The following HS6ST1 variants were observed in gnomAD, a reference collection of about 807,000 sequenced individuals.
HS6ST1 encodes the protein heparan sulfate 6-O-sulfotransferase 1.
A neutral mutation model predicts 25.2 loss-of-function variants in HS6ST1; 3 were observed. The ratio of observed to expected loss-of-function variants is 0.12; its 90% CI spans 0.05 to 0.31. HS6ST1 has a LOEUF of 0.31. Among genes scored for constraint, HS6ST1 ranks in the 10% least tolerant of loss-of-function variants. HS6ST1 has a pLI of 1.00. For missense variants in HS6ST1, 310 were observed against 609.6 expected (o/e 0.51, Z 5.18); for synonymous variants, 204 against 275.1 (o/e 0.74, Z 2.56).
At chr2:128,284,432 C>T (rs1693830952) in intron 1 of HS6ST1, among the ~76,000 whole-genome samples, 1 of 151,984 alleles carries the variant, frequency 6.6e-6, no homozygotes, top group Non-Finnish European at 1.5e-5. Context: ...TGTGCCCCAG[C>T]TACTCATCCC....
chr2:128,299,130 T>G (rs1694083638), intron 1 of HS6ST1, among the ~76,000 whole-genome samples: 1 of 152,230 alleles, frequency 6.6e-6, no homozygotes, highest in Non-Finnish European at 1.5e-5. Flanking sequence ...GGACCCAGTT[T>G]CTGTTCTTTG....
intron 1 of HS6ST1, among the ~76,000 whole-genome samples, chr2:128,303,429 T>A (rs975258651): frequency 1.3e-5 from 2 of 152,262 alleles, no homozygotes; most frequent in Non-Finnish European, 2.9e-5. Flanking sequence ...AGAATCAGCA[T>A]GCATTACTGT....
rs772677352 is a variant in HS6ST1, at chr2:128,318,408, G to A, written c.156C>T (p.Asp52=). Residue 52 remains aspartate, a synonymous_variant, in exon 1 of 2, where the codon GAC becomes GAT. Transcript: ENST00000259241. This position sits in a 1 kb window ranked among gnomAD's most constrained non-coding sequence, Gnocchi z 5.7. ...CGGGTGTGGGGAACAGGTCCAGGTCGTCGGGCGGCGCGCGGCCGCCGGGCG... is the reference window on the plus strand; with the variant it reads ...CGGGTGTGGGGAACAGGTCCAGGTCATCGGGCGGCGCGCGGCCGCCGGGCG... ...LGAPGGRAPP[D]DLDLFPTPDP... 1.5e-5 allele frequency: 24 copies of A among 1,603,402 alleles called. No individual in the cohort carries two copies. In the Admixed American group the frequency reaches 3.6e-4, roughly 24 times the overall value.
At chr2:128,271,188 G>C (rs1693603845) in intron 1 of HS6ST1, among the ~76,000 whole-genome samples, 1 of 152,226 alleles carries the variant, frequency 6.6e-6, no homozygotes, top group South Asian at 2.1e-4. Context: ...TTAGCAGCGG[G>C]GACAGATCCC....
chr2:128,273,442 T>C (rs543776029), intron 1 of HS6ST1, among the ~76,000 whole-genome samples: 4 of 152,228 alleles, frequency 2.6e-5, no homozygotes, highest in African/African-American at 9.6e-5. Flanking sequence ...CCAGGCAGGG[T>C]GACCTGCCCT....
chr2:128,284,857 A>G (rs2104920184), intron 1 of HS6ST1, among the ~76,000 whole-genome samples: 1 of 152,212 alleles, frequency 6.6e-6, no homozygotes, highest in South Asian at 2.1e-4. Context: ...CAGAGCCAGA[A>G]ACGGAGAGGG....
At chr2:128,303,534 C>T (rs1422460579) in intron 1 of HS6ST1, among the ~76,000 whole-genome samples, 1 of 152,244 alleles carries the variant, frequency 6.6e-6, no homozygotes, top group African/African-American at 2.4e-5. Context: ...GTCCCACCTG[C>T]ACACGCACCT....
At chr2:128,268,990 A>C in intron 1 of HS6ST1, 120 bp from the exon 2 acceptor site, 1 of 761,980 alleles carries the variant, frequency 1.3e-6, no homozygotes, top group Non-Finnish European at 2.3e-6. Context: ...ATGCCAACCA[A>C]CTCCTGCACT....
At chr2:128,277,557 C>G (rs1693715301) in intron 1 of HS6ST1, among the ~76,000 whole-genome samples, 1 of 152,216 alleles carries the variant, frequency 6.6e-6, no homozygotes. Flanking sequence ...TGCAGCCGGC[C>G]TACGTCCCTC....
At chr2:128,316,719 G>A (rs1694369641) in intron 1 of HS6ST1, among the ~76,000 whole-genome samples, 1 of 151,950 alleles carries the variant, frequency 6.6e-6, no homozygotes, top group African/African-American at 2.4e-5. Flanking sequence ...GTGTGTGTGT[G>A]TACAGTTGGG....
rs1391322952 is a variant in HS6ST1 at position 128,267,639 on chromosome 2, G to A, written c.*523C>T. On this transcript the variant is annotated 3_prime_UTR_variant, in exon 2 of 2. Coordinates refer to ENST00000259241, the MANE Select transcript of HS6ST1 (RefSeq NM_004807.3). ...AGGGAGCTACAGATGGGTGAGCTGG[G>A]GGCTCCCCAGGCCTCGGGGCATTGG... 1.8e-5 allele frequency: 3 copies of A among 166,306 alleles called. No homozygotes were observed. The highest frequency in any genetic ancestry group is 1.7e-4 in the East Asian group (1 of 5,950). 10.3% of individuals were successfully genotyped at this position (166,306 alleles called of 1,614,324 possible). A position where few individuals can be genotyped will look rare whatever the true frequency, so the allele number is the denominator to read the frequency against.
chr2:128,280,411 C>T (rs1219076849), intron 1 of HS6ST1, among the ~76,000 whole-genome samples: 2 of 152,314 alleles, frequency 1.3e-5, no homozygotes, highest in East Asian at 3.9e-4. Context: ...GGAGACAGCC[C>T]AGAGGAGACG....
intron 1 of HS6ST1, among the ~76,000 whole-genome samples, chr2:128,315,644 G>A (rs560029642): frequency 1.3e-5 from 2 of 152,326 alleles, no homozygotes; most frequent in East Asian, 3.9e-4. Context: ...CTGATAGAGA[G>A]TTGCTGGGTC....
At chr2:128,303,614 T>A (rs1694167172) in intron 1 of HS6ST1, among the ~76,000 whole-genome samples, 1 of 152,236 alleles carries the variant, frequency 6.6e-6, no homozygotes, top group African/African-American at 2.4e-5. Flanking sequence ...AAGTGGGCAC[T>A]TGCCACCTGT....
At chr2:128,278,385 T>C (rs1336839265) in intron 1 of HS6ST1, among the ~76,000 whole-genome samples, 5 of 152,070 alleles carry the variant, frequency 3.3e-5, no homozygotes, top group Admixed American at 2.6e-4. Flanking sequence ...TCAGGGCATG[T>C]GGGAAGTCTG....
chr2:128,281,260 G>C (rs1380587636), intron 1 of HS6ST1, among the ~76,000 whole-genome samples: 5 of 152,228 alleles, frequency 3.3e-5, no homozygotes, highest in African/African-American at 1.2e-4. Context: ...GTGTGGCATG[G>C]GGGGTGGGGG....
intron 1 of HS6ST1, among the ~76,000 whole-genome samples, chr2:128,298,885 A>G (rs991053596): frequency 6.6e-5 from 10 of 152,350 alleles, no homozygotes; most frequent in African/African-American, 2.4e-4. Context: ...GCCAAGTCCC[A>G]ACAGCTTCTC....
intron 1 of HS6ST1, among the ~76,000 whole-genome samples, chr2:128,307,620 C>T (rs909351105): frequency 2.1e-4 from 32 of 152,196 alleles, no homozygotes; most frequent in Non-Finnish European, 4.0e-4. Context: ...AGGCCAAAGA[C>T]GTGAACAGGT....
chr2:128,316,947 A>C (rs527826015), intron 1 of HS6ST1, among the ~76,000 whole-genome samples: 10 of 152,282 alleles, frequency 6.6e-5, no homozygotes, highest in African/African-American at 1.9e-4. Flanking sequence ...CAACACGCCT[A>C]CAACCGCCCA....
Sources: allele counts gnomAD v4.1 joint callset (sites outside exome capture counted in the v4.1 genomes callset), GRCh38; gene constraint gnomAD v4.1.1; non-coding constraint Gnocchi (gnomAD v3.1); transcripts MANE v1.5; gene names NCBI Gene and HGNC (gene_info 2026-07-23, HGNC 2026-07-21).